Variants in UGGT2 observed in about 807,000 individuals in gnomAD.
The protein encoded by UGGT2 is UDP-glucose glycoprotein glucosyltransferase 2.
Under a neutral mutation model 192.1 loss-of-function variants are expected in UGGT2, and 180 were observed. That is an observed-to-expected ratio of 0.94 (90% confidence interval 0.83 to 1.06). The LOEUF is 1.06. UGGT2 is among the 50% of genes least tolerant of loss of function. UGGT2 has a pLI of 0.00. For synonymous variants in UGGT2, 580 were observed against 591.0 expected (o/e 0.98, Z 0.27); for missense variants, 1,849 against 1,795.7 (o/e 1.03, Z -0.54).
intron 4 of UGGT2, among the ~76,000 whole-genome samples, chr13:96,021,304 T>C (rs2139111115): frequency 6.6e-6 from 1 of 152,316 alleles, no homozygotes; most frequent in East Asian, 1.9e-4. Context: ...TTAATTTTTT[T>C]GTAATCTTCA....
chr13:95,989,997 G>A lies in UGGT2; in HGVS notation c.907C>T (p.Pro303Ser), dbSNP rs763683143. ...YLIESNKQMMPLKVWELQDLS... is the reference protein window; with the variant it reads ...YLIESNKQMMSLKVWELQDLS... ...CCTTGTAGTTCCCAGACTTTCAAAG[G>A]CATCATTTGTTTGTTACTCTCAATC... The change falls in exon 8 of 39, where the codon CCT (proline) becomes TCT (serine). Residue 303 changes from proline to serine, a missense_variant. Pro to Ser is a moderately conservative substitution (Grantham distance 74). Coordinates refer to ENST00000376747, the MANE Select transcript of UGGT2 (RefSeq NM_020121.4). 6.0e-5 allele frequency: 97 copies of A among 1,606,138 alleles called. 1 individual carries two copies. The South Asian group carries it at 1.0e-3, about 17-fold the overall frequency.
intron 24 of UGGT2, among the ~76,000 whole-genome samples, 183 bp downstream of exon 24, chr13:95,894,379 T>C (rs1486326411): frequency 6.6e-6 from 1 of 152,180 alleles, no homozygotes; most frequent in Non-Finnish European, 1.5e-5. Context: ...TCCATATATA[T>C]TACCCTTTAT....
chr13:95,997,078 A>G (rs902039657), intron 6 of UGGT2, among the ~76,000 whole-genome samples: 1 of 152,110 alleles, frequency 6.6e-6, no homozygotes, highest in African/African-American at 2.4e-5. Context: ...GAGACTCTGA[A>G]TCTCTAGGAC....
At chr13:95,816,180 G>GT (rs1430612212) in intron 38 of UGGT2, among the ~76,000 whole-genome samples, 1 of 152,204 alleles carries the variant, frequency 6.6e-6, no homozygotes, top group Non-Finnish European at 1.5e-5. Flanking sequence ...TAATGGCAGT[G>GT]TAAGAACGAA....
intron 21 of UGGT2, among the ~76,000 whole-genome samples, chr13:95,901,684 C>T (rs558073364): frequency 1.3e-5 from 2 of 152,066 alleles, no homozygotes; most frequent in Non-Finnish European, 2.9e-5. Context: ...TATGGTTATG[C>T]GGCTTTCAAA....
At chr13:96,046,931 G>A (rs544636433) in intron 1 of UGGT2, among the ~76,000 whole-genome samples, 31 of 152,190 alleles carry the variant, frequency 2.0e-4, no homozygotes, top group Middle Eastern at 3.2e-3. Flanking sequence ...AGGGGCACCC[G>A]CCATTGCTGA....
At chr13:96,031,712 T>C (rs577082400) in intron 2 of UGGT2, among the ~76,000 whole-genome samples, 177 bp downstream of exon 2, 3 of 152,230 alleles carry the variant, frequency 2.0e-5, no homozygotes, top group Non-Finnish European at 2.9e-5. Flanking sequence ...AAACCTTGTA[T>C]TTTTGGAAAC....
At chr13:95,970,729 A>T (rs1161843773) in intron 11 of UGGT2, among the ~76,000 whole-genome samples, 1 of 152,232 alleles carries the variant, frequency 6.6e-6, no homozygotes, top group Admixed American at 6.5e-5. Flanking sequence ...ATATAATTTG[A>T]AAGTTCTTAA....
At chr13:96,004,849 T>C (rs1038025486) in intron 5 of UGGT2, among the ~76,000 whole-genome samples, 2 of 152,032 alleles carry the variant, frequency 1.3e-5, no homozygotes, top group Admixed American at 1.3e-4. Context: ...AGAACTAGAA[T>C]GTCTCATCTT....
chr13:95,888,707 C>T (rs2047717153), intron 25 of UGGT2, among the ~76,000 whole-genome samples: 1 of 152,108 alleles, frequency 6.6e-6, no homozygotes, highest in Non-Finnish European at 1.5e-5. Flanking sequence ...GAGAAACTAT[C>T]CATTTCTTCC....
At chr13:95,994,118 T>C (rs570666917) in intron 7 of UGGT2, among the ~76,000 whole-genome samples, 1 of 152,266 alleles carries the variant, frequency 6.6e-6, no homozygotes, top group South Asian at 2.1e-4. Context: ...TCAATGATTT[T>C]TGTAACTCAT....
intron 20 of UGGT2, among the ~76,000 whole-genome samples, chr13:95,922,642 C>T (rs2048882005): frequency 7.9e-6 from 1 of 126,082 alleles, no homozygotes; most frequent in Non-Finnish European, 1.8e-5. Context: ...GATGACATGG[C>T]AAAACCCGTC....
intron 31 of UGGT2, among the ~76,000 whole-genome samples, chr13:95,861,976 T>G (rs1044087400): frequency 6.6e-6 from 1 of 152,226 alleles, no homozygotes; most frequent in Non-Finnish European, 1.5e-5. Flanking sequence ...AGCAAGTGGC[T>G]ATACCATAAT....
At chr13:95,956,126 A>G (rs1329370700) in intron 12 of UGGT2, among the ~76,000 whole-genome samples, 3 of 152,204 alleles carry the variant, frequency 2.0e-5, no homozygotes, top group Admixed American at 6.5e-5. Context: ...AAAGAAGTAT[A>G]AAGTTGGAGA....
At chr13:95,915,107 C>A (rs1303830913) in intron 20 of UGGT2, among the ~76,000 whole-genome samples, 1 of 152,166 alleles carries the variant, frequency 6.6e-6, no homozygotes, top group East Asian at 1.9e-4. Flanking sequence ...TGTCTTCTTA[C>A]ATAAAGTATG....
At position 95,801,827 on chromosome 13, in the gene UGGT2, A is replaced by G. The variant is rs1884070933; in HGVS notation, c.4529-15T>C. 1 of 1,613,528 alleles carries G rather than the reference A, an allele frequency of 6.2e-7. No individual in the cohort carries two copies. The highest frequency in any genetic ancestry group is 2.2e-5 in the East Asian group (1 of 44,874). ...ATGTGTCAAAACTATAAGGGAGAAA[A>G]GTTTATTTAGCTTCTGGCATCTTAA... On this transcript the variant is annotated splice_polypyrimidine_tract_variant and intron_variant, in intron 38 of 38. Coordinates refer to ENST00000376747, the MANE Select transcript of UGGT2 (RefSeq NM_020121.4).
intron 17 of UGGT2, among the ~76,000 whole-genome samples, chr13:95,936,459 G>T (rs1200812630): frequency 6.6e-6 from 1 of 152,188 alleles, no homozygotes; most frequent in Non-Finnish European, 1.5e-5. Context: ...CAGTGGTCTG[G>T]CCTCCCTGCT....
chr13:96,008,543 A>C lies in UGGT2; in HGVS notation c.660+4764T>G, dbSNP rs760473113. The stretch of plus-strand genomic sequence containing the variant: ...CAACTTCAGCAAAGTTTCAGGATAC[A>C]AAATCAATGTACAAAAATCACTAGC... On this transcript the variant is annotated intron_variant, in intron 5 of 38. Coordinates refer to ENST00000376747, the MANE Select transcript of UGGT2 (RefSeq NM_020121.4). Among the ~76,000 whole-genome samples the C allele has an allele frequency of 2.0e-5, 3 of 152,344 alleles. No individual in the cohort carries two copies. The South Asian group carries it at 6.2e-4, about 32-fold the overall frequency.
chr13:96,015,416 A>G (rs1342213744), intron 4 of UGGT2, among the ~76,000 whole-genome samples: 1 of 152,060 alleles, frequency 6.6e-6, no homozygotes, highest in Non-Finnish European at 1.5e-5. Context: ...GCTCTCTACC[A>G]TTTGCTGAGT....
Sources: gnomAD v4.1 joint callset for allele counts (sites outside exome capture counted in the v4.1 genomes callset) on GRCh38, gnomAD v4.1.1 for gene constraint, MANE v1.5 for transcripts, NCBI Gene and HGNC (gene_info 2026-07-23, HGNC 2026-07-21) for gene names.